The following ARHGAP20 variants were observed in gnomAD, a reference collection of about 807,000 sequenced individuals.
ARHGAP20 encodes Rho GTPase activating protein 20.
Under a neutral mutation model 73.7 loss-of-function variants are expected in ARHGAP20, and 34 were observed. That is an observed-to-expected ratio of 0.46 (90% CI 0.35 to 0.61). The LOEUF (loss-of-function observed/expected upper bound fraction) is 0.61. Among genes scored for constraint, ARHGAP20 ranks in the 20% least tolerant of loss-of-function variants. The pLI is 0.00. For synonymous variants in ARHGAP20, 523 were observed against 518.2 expected (o/e 1.01, Z -0.13); for missense variants, 1,314 against 1,420.9 (o/e 0.92, Z 1.21).
At position 110,582,444 on chromosome 11, in the gene ARHGAP20, A is replaced by G; in HGVS notation, c.1606-9T>C. ...TGTATAAGCAGGGAAACCTGTAAGA[A>G]AAAGGACAAACGAAGTATTACTTTT... On this transcript the variant is annotated splice_polypyrimidine_tract_variant and intron_variant, in intron 13 of 14. Coordinates refer to ENST00000683387, the MANE Select transcript of ARHGAP20 (RefSeq NM_001384657.1). The G allele has an allele frequency of 6.6e-7, 1 of 1,524,908 alleles. No homozygotes were observed. The highest frequency in any genetic ancestry group is 9.1e-7 in the Non-Finnish European group (1 of 1,100,100). The allele number at this position is 1,524,908 out of a possible 1,614,324, so 94.5% of individuals were successfully genotyped here.
At chr11:110,634,278 T>C (rs1591331514) in intron 2 of ARHGAP20, among the ~76,000 whole-genome samples, 1 of 152,060 alleles carries the variant, frequency 6.6e-6, no homozygotes, top group East Asian at 1.9e-4. Flanking sequence ...AAAACTCTTG[T>C]TGTTTTTTTA....
chr11:110,624,918 G>A (rs1209575662), intron 3 of ARHGAP20, among the ~76,000 whole-genome samples: 3 of 151,892 alleles, frequency 2.0e-5, no homozygotes, highest in Admixed American at 1.3e-4. Flanking sequence ...CAAATGTACT[G>A]CTGTTACAAA....
Position 110,580,049 on chromosome 11 carries a change from A to C in ARHGAP20, c.2897T>G (p.Phe966Cys). The change falls in exon 15 of 15, where the codon TTT becomes TGT. Residue 966 changes from phenylalanine to cysteine, a missense_variant. By Grantham distance (205) the Phe-to-Cys change is radical. Transcript: ENST00000683387. The stretch of plus-strand genomic sequence containing the variant: ...TGGAGAGGAAGTCTCAGTGGGTGTA[A>C]ACACAGAGTGTTCAGAAATCTGAGA... ...AFSQISEHSV[F>C]TPTETSSPID... 2 of 1,614,208 alleles carry C rather than the reference A, an allele frequency of 1.2e-6. No individual in the cohort carries two copies. Among genetic ancestry groups the C allele is most frequent in the Non-Finnish European group, 1.7e-6 (2 of 1,180,040 alleles).
At chr11:110,685,642 T>C (rs1437770316) in intron 2 of ARHGAP20, among the ~76,000 whole-genome samples, 8 of 152,158 alleles carry the variant, frequency 5.3e-5, no homozygotes, top group African/African-American at 1.7e-4. Flanking sequence ...AATCCAGCTC[T>C]TGTTCATTAA....
intron 9 of ARHGAP20, among the ~76,000 whole-genome samples, chr11:110,606,081 A>C (rs1344406547): frequency 6.6e-6 from 1 of 152,216 alleles, no homozygotes; most frequent in African/African-American, 2.4e-5. Context: ...CAGGGAATTC[A>C]TATTAGATTA....
intron 3 of ARHGAP20, among the ~76,000 whole-genome samples, chr11:110,626,761 ACAAG>A (rs1194392652): frequency 6.6e-6 from 1 of 151,918 alleles, no homozygotes; most frequent in East Asian, 1.9e-4. Flanking sequence ...CTCCAGAGCT[ACAAG>A]GCTTTCTGAT....
chr11:110,588,392 G>A (rs1254113666), intron 11 of ARHGAP20, among the ~76,000 whole-genome samples: 1 of 152,158 alleles, frequency 6.6e-6, no homozygotes, highest in Non-Finnish European at 1.5e-5. Context: ...ATTATAGTTT[G>A]AAGAGTTAAG....
intron 4 of ARHGAP20, among the ~76,000 whole-genome samples, chr11:110,620,417 C>T (rs1948604263): frequency 1.3e-5 from 2 of 152,168 alleles, no homozygotes; most frequent in Non-Finnish European, 2.9e-5. Flanking sequence ...TTTCAAGCAG[C>T]TGGGATTACA....
intron 1 of ARHGAP20, among the ~76,000 whole-genome samples, chr11:110,697,945 C>G (rs1950368724): frequency 6.6e-6 from 1 of 151,272 alleles, no homozygotes; most frequent in African/African-American, 2.4e-5. Context: ...GGATTTTTTT[C>G]CTAATTGTGT....
intron 9 of ARHGAP20, among the ~76,000 whole-genome samples, chr11:110,593,035 G>A (rs190067636): frequency 1.3e-5 from 2 of 152,190 alleles, no homozygotes; most frequent in Non-Finnish European, 2.9e-5. Context: ...ATCACATCTG[G>A]TCAATAAGAT....
At chr11:110,586,193 C>T (rs770091442) in intron 12 of ARHGAP20, 23 bp downstream of exon 12, 1 of 1,253,018 alleles carries the variant, frequency 8.0e-7, no homozygotes. Context: ...ATTTTTGAGA[C>T]ATGACCAAAT....
chr11:110,589,020 C>A lies in ARHGAP20; in HGVS notation c.1305+1628G>T, dbSNP rs181411718. Among the ~76,000 whole-genome samples, 339 of 151,828 alleles carry A rather than the reference C, an allele frequency of 2.2e-3. 2 individuals carry two copies. Among genetic ancestry groups the A allele is most frequent in the Admixed American group, 4.9e-3 (74 of 15,246 alleles). On this transcript the variant is annotated intron_variant, in intron 11 of 14. Coordinates refer to ENST00000683387, the MANE Select transcript of ARHGAP20 (RefSeq NM_001384657.1). ...CCAGGAGGTGGAGCTTGCAGTGAGC[C>A]GAGATCGTGCCACTGCACTCCAGCC...
intron 7 of ARHGAP20, among the ~76,000 whole-genome samples, chr11:110,611,048 A>G (rs1178810067): frequency 1.3e-5 from 2 of 152,112 alleles, no homozygotes; most frequent in Non-Finnish European, 2.9e-5. Context: ...AGCATATATA[A>G]TAAAATACAT....
chr11:110,653,431 CA>C (rs556094784), intron 2 of ARHGAP20, among the ~76,000 whole-genome samples: 282 of 152,190 alleles, frequency 1.9e-3, no homozygotes, highest in African/African-American at 6.6e-3. Context: ...AGACACTTCT[CA>C]AAAGAAGACA....
intron 2 of ARHGAP20, among the ~76,000 whole-genome samples, chr11:110,687,899 A>G (rs1005934944): frequency 3.3e-5 from 5 of 152,222 alleles, no homozygotes; most frequent in African/African-American, 1.2e-4. Context: ...ATTTCATGTA[A>G]CAAGCACAGA....
rs141352442 is a variant in ARHGAP20, at chr11:110,591,996, T to C, written c.1124A>G (p.Asn375Ser). The C allele has an allele frequency of 1.0e-4, 164 of 1,614,000 alleles. 1 individual carries two copies. The Middle Eastern group carries it at 1.5e-3, about 15-fold the overall frequency. ...ISLPNICEND[N>S]LPKPVLDMLF... ...CCTTACCAAGACAGGTTTGGGCAGATTGTCATTCTCACAAATATTTGGCAG... is the reference window on the plus strand; with the variant it reads ...CCTTACCAAGACAGGTTTGGGCAGACTGTCATTCTCACAAATATTTGGCAG... The change falls in exon 10 of 15, where the codon AAT (asparagine) becomes AGT (serine). Residue 375 changes from asparagine to serine, a missense_variant. By Grantham distance (46) the Asn-to-Ser change is conservative. Around this residue, in one of 3 missense-constraint regions of ARHGAP20, gnomAD observed 443 missense variants for 466.4 expected, o/e 0.95. Transcript: ENST00000683387.
intron 3 of ARHGAP20, among the ~76,000 whole-genome samples, chr11:110,629,654 C>A (rs1479249928): frequency 6.6e-6 from 1 of 152,174 alleles, no homozygotes; most frequent in African/African-American, 2.4e-5. Context: ...AAAAACAGTT[C>A]ACTAAGCATT....
chr11:110,650,363 C>A (rs1462424257), intron 2 of ARHGAP20, among the ~76,000 whole-genome samples: 1 of 152,090 alleles, frequency 6.6e-6, no homozygotes, highest in African/African-American at 2.4e-5. Flanking sequence ...GTAGAGAAAT[C>A]CTAAAGCCAC....
chr11:110,645,019 T>C lies in ARHGAP20; in HGVS notation c.189-14227A>G, dbSNP rs867564330. On this transcript the variant is annotated intron_variant, in intron 2 of 14. Coordinates refer to ENST00000683387, the MANE Select transcript of ARHGAP20 (RefSeq NM_001384657.1). Reference sequence around the variant, plus strand: ...CACTTCTCTCTCTCTCTCTCTCTTTTATTTTTTTGAGACACAGTCTCACTC... The same window carrying C: ...CACTTCTCTCTCTCTCTCTCTCTTTCATTTTTTTGAGACACAGTCTCACTC... Among the ~76,000 whole-genome samples, 5 of 79,938 alleles carry C rather than the reference T, an allele frequency of 6.3e-5. 1 individual carries two copies. In the South Asian group the frequency reaches 1.9e-3, roughly 31 times the overall value. 52.4% of individuals were successfully genotyped at this position (79,938 alleles called of 152,430 possible).
Sources: allele counts gnomAD v4.1 joint callset (sites outside exome capture counted in the v4.1 genomes callset), GRCh38; gene constraint gnomAD v4.1.1; regional missense constraint gnomAD v4.1.1; transcripts MANE v1.5; gene names NCBI Gene and HGNC (gene_info 2026-07-23, HGNC 2026-07-21).